The following SFMBT2 variants were observed in gnomAD, a reference collection of about 807,000 sequenced individuals.
SFMBT2 encodes scm-like with four MBT domains protein 2.
In SFMBT2, 38 loss-of-function variants were observed where a neutral mutation model predicts 110.1. The ratio of observed to expected loss-of-function variants is 0.35; its 90% confidence interval spans 0.27 to 0.45. The LOEUF (loss-of-function observed/expected upper bound fraction) is 0.45, where lower values mean the gene tolerates loss of function less well. Among genes scored for constraint, SFMBT2 ranks in the 20% least tolerant of loss-of-function variants. The pLI is 1.00. For missense variants in SFMBT2, 1,011 were observed against 1,094.9 expected, an observed-to-expected ratio of 0.92 and a Z score of 1.08; for synonymous variants, 425 against 425.4, an observed-to-expected ratio of 1.00 and a Z score of 0.01.
Position 7,170,928 on chromosome 10 carries a change from C to T in SFMBT2, c.2544G>A (p.Gln848=). 1 of 1,614,216 alleles carries T rather than the reference C, an allele frequency of 6.2e-7. No individual in the cohort carries two copies. Among genetic ancestry groups the T allele is most frequent in the Non-Finnish European group, 8.5e-7 (1 of 1,180,026 alleles). Residue 848 remains glutamine, a splice_region_variant and synonymous_variant, in exon 20 of 21, where the codon CAG becomes CAA. Coordinates refer to ENST00000397167, the MANE Select transcript of SFMBT2 (RefSeq NM_001387889.1). This position sits in a 1 kb window ranked among gnomAD's most constrained non-coding sequence, Gnocchi z 4.6. ...AATCGACACGCGGCAACCACCGTAC[C>T]TGCTCCTGAAATATCTTGGCCAAGG... ...CAPLAKIFQE[Q]DIDGQALLLL... is the part of the protein sequence containing the mutation.
Position 7,367,671 on chromosome 10 carries a change from G to C in SFMBT2, c.414C>G (p.Asn138Lys). ...CACCGTCCGGCGGCATCAACACCTT[G>C]TTGTTCTGTGTGCACCACCCCACGG... The part of the protein sequence containing the change: ...LHPVGWCTQN[N>K]KVLMPPDAIK... The change falls in exon 4 of 21, where the codon AAC becomes AAG. Residue 138 changes from asparagine (N) to lysine (K), a missense_variant. Asn to Lys is a moderately conservative substitution (Grantham distance 94). This residue lies in a region of SFMBT2 where 979 missense variants were observed against 1,016.1 expected (regional missense o/e 0.96). Coordinates refer to ENST00000397167, the MANE Select transcript of SFMBT2 (RefSeq NM_001387889.1). This position sits in a 1 kb window ranked among gnomAD's most constrained non-coding sequence, Gnocchi z 6.2. The C allele has an allele frequency of 6.2e-7, 1 of 1,613,092 alleles. No homozygotes were observed. The highest frequency in any genetic ancestry group is 8.5e-7 in the Non-Finnish European group (1 of 1,179,640).
chr10:7,241,872 C>T (rs983023057), intron 9 of SFMBT2, among the ~76,000 whole-genome samples: 1 of 152,124 alleles, frequency 6.6e-6, no homozygotes, highest in Non-Finnish European at 1.5e-5. Context: ...GATATAAATA[C>T]TTTTCCTTTT....
At chr10:7,214,473 C>T (rs1044728503) in intron 11 of SFMBT2, 29 of 774,478 alleles carry the variant, frequency 3.7e-5, no homozygotes, top group Middle Eastern at 6.4e-4. Context: ...TGCAGAGTGA[C>T]GCATTTCTTA....
intron 7 of SFMBT2, among the ~76,000 whole-genome samples, chr10:7,258,759 A>G (rs1176031735): frequency 2.0e-5 from 3 of 152,192 alleles, no homozygotes; most frequent in African/African-American, 7.2e-5. Context: ...TTAGAAAATT[A>G]CTCCCGTAAT....
At chr10:7,306,980 G>A (rs75546893) in intron 4 of SFMBT2, among the ~76,000 whole-genome samples, 3,782 of 152,216 alleles carry the variant, frequency 0.025, 148 homozygotes, top group African/African-American at 0.084. Context: ...TGATAACCAT[G>A]GGGTAGAAAA....
At chr10:7,208,930 C>G (rs979045215) in intron 11 of SFMBT2, among the ~76,000 whole-genome samples, 2 of 152,126 alleles carry the variant, frequency 1.3e-5, no homozygotes, top group African/African-American at 4.8e-5. Context: ...CGTCGGCTAC[C>G]TTTCCCTCAA....
chr10:7,391,106 T>A (rs1344258464), intron 1 of SFMBT2, among the ~76,000 whole-genome samples: 1 of 144,254 alleles, frequency 6.9e-6, no homozygotes, highest in Non-Finnish European at 1.5e-5. Context: ...ACTCACTCAG[T>A]CAATCAATCA....
chr10:7,351,097 A>G (rs949483278), intron 4 of SFMBT2, among the ~76,000 whole-genome samples: 1 of 152,202 alleles, frequency 6.6e-6, no homozygotes, highest in Admixed American at 6.5e-5. Context: ...TCATGCTTCT[A>G]ATTTTCTGCT....
chr10:7,312,134 A>G (rs1380298298), intron 4 of SFMBT2, among the ~76,000 whole-genome samples: 1 of 152,126 alleles, frequency 6.6e-6, no homozygotes, highest in East Asian at 1.9e-4. Flanking sequence ...GTTAATGATG[A>G]GTTAATGGGT....
chr10:7,228,781 T>TCTCTCC (rs1466235599), intron 9 of SFMBT2, among the ~76,000 whole-genome samples: 7 of 110,486 alleles, frequency 6.3e-5, no homozygotes, highest in African/African-American at 2.2e-4. Context: ...TCTCTCTCTC[T>TCTCTCC]CCCCCTCCCT....
chr10:7,323,063 T>C (rs1005444352), intron 4 of SFMBT2, among the ~76,000 whole-genome samples: 2 of 152,184 alleles, frequency 1.3e-5, no homozygotes, highest in East Asian at 1.9e-4. Context: ...AGAAAGCAAA[T>C]TGAAAAATTA....
At position 7,178,277 on chromosome 10, in the gene SFMBT2, A is replaced by G. The variant is rs182411751; in HGVS notation, c.1809-2112T>C. Among the ~76,000 whole-genome samples the G allele has an allele frequency of 5.6e-3, 857 of 152,244 alleles. 2 individuals carry two copies. Among genetic ancestry groups the G allele is most frequent in the Non-Finnish European group, 7.4e-3 (500 of 68,024 alleles). On this transcript the variant is annotated intron_variant, in intron 16 of 20. Transcript: ENST00000397167. ...TAAGGTTTCTCTGAGGTCCTCCTTAAGCACTTGTCTCTGATCTTAGAGGAA... is the reference window on the plus strand; with the variant it reads ...TAAGGTTTCTCTGAGGTCCTCCTTAGGCACTTGTCTCTGATCTTAGAGGAA...
intron 8 of SFMBT2, among the ~76,000 whole-genome samples, chr10:7,246,733 A>AAG (rs1311605849): frequency 6.6e-6 from 1 of 151,004 alleles, no homozygotes; most frequent in East Asian, 1.9e-4. Flanking sequence ...AAAAAAAAAA[A>AAG]AAAAAAAGAA....
At chr10:7,206,167 C>T (rs552372886) in intron 11 of SFMBT2, 232 of 985,206 alleles carry the variant, frequency 2.4e-4, no homozygotes, top group Middle Eastern at 5.2e-4. Flanking sequence ...TCAGAGAAAA[C>T]GAAGGTTTGG....
At chr10:7,390,210 T>C (rs1845728326) in intron 1 of SFMBT2, among the ~76,000 whole-genome samples, 1 of 152,126 alleles carries the variant, frequency 6.6e-6, no homozygotes, top group Non-Finnish European at 1.5e-5. Context: ...ACTAGGCACA[T>C]GTGGGTAGAA....
At chr10:7,296,612 C>CT (rs1842414307) in intron 4 of SFMBT2, among the ~76,000 whole-genome samples, 1 of 152,224 alleles carries the variant, frequency 6.6e-6, no homozygotes, top group Non-Finnish European at 1.5e-5. Context: ...CCTTAGGTAT[C>CT]TGACAAAATG....
chr10:7,329,965 G>C (rs903609407), intron 4 of SFMBT2, among the ~76,000 whole-genome samples: 2 of 152,200 alleles, frequency 1.3e-5, no homozygotes, highest in East Asian at 1.9e-4. Context: ...AAGAATTCTA[G>C]AGTCAGATTT....
At position 7,211,595 on chromosome 10, in the gene SFMBT2, C is replaced by T. The variant is rs553119588; in HGVS notation, c.1331-5667G>A. Among the ~76,000 whole-genome samples the T allele has an allele frequency of 4.6e-5, 7 of 152,232 alleles. No homozygotes were observed. In the South Asian group the frequency reaches 1.5e-3, roughly 32 times the overall value. ...GTGGCGGGATTAAACGCCTCTTCCC[C>T]GAGACAGCTCCTGTGGGTCACCTGC... On this transcript the variant is annotated intron_variant, in intron 11 of 20. Coordinates refer to ENST00000397167, the MANE Select transcript of SFMBT2 (RefSeq NM_001387889.1).
At chr10:7,195,573 C>A (rs552725923) in intron 15 of SFMBT2, among the ~76,000 whole-genome samples, 1 of 152,204 alleles carries the variant, frequency 6.6e-6, no homozygotes, top group Non-Finnish European at 1.5e-5. Flanking sequence ...ACTCTAAACA[C>A]GAACAAGGGC....
Sources: allele counts gnomAD v4.1 joint callset (sites outside exome capture counted in the v4.1 genomes callset), GRCh38; gene constraint gnomAD v4.1.1; regional missense constraint gnomAD v4.1.1; non-coding constraint Gnocchi (gnomAD v3.1); transcripts MANE v1.5; gene names NCBI Gene and HGNC (gene_info 2026-07-23, HGNC 2026-07-21).